Variants in GABRA3 observed in about 807,000 individuals in gnomAD.
GABRA3 encodes gamma-aminobutyric acid type A receptor subunit alpha3, also known as gamma-aminobutyric acid receptor subunit alpha-3.
GABRA3 carries 10 observed loss-of-function variants against 30.1 expected under a neutral mutation model. The ratio of observed to expected loss-of-function variants is 0.33; its 90% CI spans 0.20 to 0.56. GABRA3 has a LOEUF of 0.56. GABRA3 is among the 20% of genes least tolerant of loss of function. The pLI is 0.89. For missense variants in GABRA3, 233 were observed against 392.0 expected (o/e 0.59, Z 3.42); for synonymous variants, 151 against 146.8 (o/e 1.03, Z -0.21).
At chrX:152,218,297 G>C (rs1480072706) in intron 6 of GABRA3, among the ~76,000 whole-genome samples, 1 of 110,355 alleles carries the variant, frequency 9.1e-6, no homozygotes, top group Non-Finnish European at 1.9e-5. Flanking sequence ...TTTTCTTACT[G>C]ATTTCTAATT....
chrX:152,182,596 C>CTATATATA (rs1160156869), intron 9 of GABRA3, among the ~76,000 whole-genome samples: 5 of 8,897 alleles, frequency 5.6e-4, no homozygotes, highest in African/African-American at 2.4e-3. Flanking sequence ...TATATACACA[C>CTATATATA]TATATATACT....
intron 9 of GABRA3, among the ~76,000 whole-genome samples, chrX:152,170,912 T>A (rs1936994874): frequency 9.0e-6 from 1 of 111,590 alleles, no homozygotes; most frequent in African/African-American, 3.3e-5. Flanking sequence ...TTGTTACAAG[T>A]GGAAGGGGGA....
At chrX:152,432,992 C>G (rs1930685294) in intron 1 of GABRA3, among the ~76,000 whole-genome samples, 1 of 110,274 alleles carries the variant, frequency 9.1e-6, no homozygotes, top group Admixed American at 9.7e-5. Context: ...GTTGAATTAC[C>G]ACTAGTAATT....
chrX:152,402,673 C>T (rs761238415), intron 1 of GABRA3, among the ~76,000 whole-genome samples: 3 of 111,065 alleles, frequency 2.7e-5, no homozygotes, highest in Non-Finnish European at 5.7e-5. Context: ...TAAAGATATA[C>T]AACAGATATG....
chrX:152,269,323 T>C (rs1180153114), intron 4 of GABRA3, among the ~76,000 whole-genome samples: 1 of 111,734 alleles, frequency 8.9e-6, no homozygotes, highest in Non-Finnish European at 1.9e-5. Context: ...TAAAAACTGA[T>C]GAAAGGAATT....
intron 3 of GABRA3, among the ~76,000 whole-genome samples, chrX:152,294,428 A>G (rs7060925): frequency 0.17 from 19,156 of 110,396 alleles, 1,320 homozygotes; most frequent in African/African-American, 0.25. Flanking sequence ...TGGCTACTGA[A>G]GCTTGTGCAT....
chrX:152,368,400 C>G (rs894116707), intron 1 of GABRA3, among the ~76,000 whole-genome samples: 14 of 111,407 alleles, frequency 1.3e-4, no homozygotes, highest in African/African-American at 4.6e-4. Context: ...ATCTGTCTTT[C>G]TCTGTATGCC....
intron 5 of GABRA3, among the ~76,000 whole-genome samples, chrX:152,236,022 T>G (rs1340243199): frequency 9.8e-6 from 1 of 102,343 alleles, no homozygotes; most frequent in Admixed American, 1.1e-4. Context: ...ACTTTAAGTT[T>G]TAGGGTACAT....
At position 152,278,954 on chromosome X, in the gene GABRA3, G is replaced by A. The variant is rs1482982218; in HGVS notation, c.330+5714C>T. On this transcript the variant is annotated intron_variant, in intron 4 of 9. Coordinates refer to ENST00000370314, the MANE Select transcript of GABRA3 (RefSeq NM_000808.4). ...TATCCTTCGCCCACTTGTTGATGGG[G>A]TTGTTTGTTTTTTTCTTGTAAATTT... Among the ~76,000 whole-genome samples, 6 of 111,712 alleles carry A rather than the reference G, an allele frequency of 5.4e-5. No individual in the cohort carries two copies. The South Asian group carries it at 1.5e-3, about 28-fold the overall frequency.
chrX:152,362,012 A>G (rs1928523091), intron 2 of GABRA3, among the ~76,000 whole-genome samples: 1 of 111,647 alleles, frequency 9.0e-6, no homozygotes, highest in Non-Finnish European at 1.9e-5. Flanking sequence ...ATGAGGAGTT[A>G]ACAAAACAGA....
In GABRA3 at chrX:152,179,495, A is replaced by AT. The variant is rs199606296; in HGVS notation, c.1143+10234dup. On this transcript the variant is annotated intron_variant, in intron 9 of 9. Coordinates refer to ENST00000370314, the MANE Select transcript of GABRA3 (RefSeq NM_000808.4). ...TCTACCCTCTGCTTCTGTGAGTTCA[A>AT]TTTTTTTTTTTTTTTTTGAGATGGA... Among the ~76,000 whole-genome samples, 940 of 97,176 alleles carry AT rather than the reference A, an allele frequency of 9.7e-3. 11 individuals carry two copies. Among genetic ancestry groups the AT allele is most frequent in the African/African-American group, 0.027 (707 of 26,669 alleles). 84.4% of individuals were successfully genotyped at this position (97,176 alleles called of 115,157 possible).
intron 9 of GABRA3, among the ~76,000 whole-genome samples, chrX:152,180,433 G>A (rs183429447): frequency 2.7e-5 from 3 of 111,797 alleles, no homozygotes; most frequent in East Asian, 5.6e-4. Context: ...TCCTTGTATA[G>A]TTTTTATATT....
At chrX:152,372,612 G>T (rs1452505309) in intron 1 of GABRA3, among the ~76,000 whole-genome samples, 2 of 111,484 alleles carry the variant, frequency 1.8e-5, no homozygotes, top group African/African-American at 3.3e-5. Flanking sequence ...TAAAATATTT[G>T]TTGGAAAAAA....
At chrX:152,235,794 T>G (rs747014942) in intron 5 of GABRA3, among the ~76,000 whole-genome samples, 79 of 110,723 alleles carry the variant, frequency 7.1e-4, no homozygotes, top group African/African-American at 2.5e-3. Context: ...CAAAGTGAGC[T>G]AGAGATTCAA....
chrX:152,168,336 T>G lies in GABRA3; in HGVS notation c.1371A>C (p.Lys457Asn). 8.3e-7 allele frequency: 1 copy of G among 1,210,982 alleles called. No individual in the cohort carries two copies. The highest frequency in any genetic ancestry group is 1.1e-6 in the Non-Finnish European group (1 of 895,160). Residue 457 changes from lysine to asparagine, a missense_variant, in exon 10 of 10, where the codon AAA becomes AAC. Around this residue, in one of 6 missense-constraint regions of GABRA3, gnomAD observed 18 missense variants for 38.5 expected, o/e 0.47. Transcript: ENST00000370314. ...GCACAGGAAAGATGATGCGGGAAATTTTGTCAACCTTGCTGACACTGTTGT... is the reference window on the plus strand; with the variant it reads ...GCACAGGAAAGATGATGCGGGAAATGTTGTCAACCTTGCTGACACTGTTGT... ...KTYNSVSKVD[K>N]ISRIIFPVLF...
chrX:152,310,567 A>T (rs1297902999), intron 3 of GABRA3, among the ~76,000 whole-genome samples: 1 of 111,838 alleles, frequency 8.9e-6, no homozygotes, highest in Non-Finnish European at 1.9e-5. Flanking sequence ...AGCAGTGTTA[A>T]TAGGAAAGTT....
intron 3 of GABRA3, among the ~76,000 whole-genome samples, chrX:152,330,504 C>G (rs1345604984): frequency 8.9e-6 from 1 of 111,748 alleles, no homozygotes; most frequent in East Asian, 2.8e-4. Flanking sequence ...ATACACCATG[C>G]AATAGTATGC....
At chrX:152,421,065 A>T (rs1359103547) in intron 1 of GABRA3, among the ~76,000 whole-genome samples, 1 of 106,052 alleles carries the variant, frequency 9.4e-6, no homozygotes. Flanking sequence ...TAGCAGAGTG[A>T]GAATGGACTA....
intron 4 of GABRA3, among the ~76,000 whole-genome samples, chrX:152,281,711 C>G (rs188331314): frequency 1.6e-4 from 18 of 111,654 alleles, no homozygotes; most frequent in Non-Finnish European, 2.3e-4. Flanking sequence ...TTAATAATCA[C>G]TAATGTCTCC....
Sources: allele counts gnomAD v4.1 joint callset (sites outside exome capture counted in the v4.1 genomes callset), GRCh38; gene constraint gnomAD v4.1.1; regional missense constraint gnomAD v4.1.1; transcripts MANE v1.5; gene names NCBI Gene and HGNC (gene_info 2026-07-23, HGNC 2026-07-21).